Variants in IDH3A observed in about 807,000 individuals in gnomAD.
IDH3A encodes isocitrate dehydrogenase (NAD(+)) 3 catalytic subunit alpha.
A neutral mutation model predicts 43.3 loss-of-function variants in IDH3A; 23 were observed. The observed-to-expected ratio is 0.53, with a 90% CI of 0.38 to 0.75. The LOEUF (loss-of-function observed/expected upper bound fraction) is 0.75. IDH3A is among the 30% of genes least tolerant of loss of function. The pLI, the probability that IDH3A is intolerant of heterozygous loss-of-function variation, is 0.00. For synonymous variants in IDH3A, 154 were observed against 163.5 expected, an observed-to-expected ratio of 0.94 and a Z score of 0.44; for missense variants, 329 against 474.4, an observed-to-expected ratio of 0.69 and a Z score of 2.85.
chr15:78,170,898 A>G lies in IDH3A; in HGVS notation c.*1893A>G, dbSNP rs960933037. On this transcript the variant is annotated 3_prime_UTR_variant, in exon 11 of 11. Transcript: ENST00000299518. ...TCAAATTATACATTAAATAGAATCA[A>G]ACAGGCAGCAGCAGTTTTATTAAGC... 1.3e-5 allele frequency: 2 copies of G among 153,264 alleles called. No individual in the cohort carries two copies. Among genetic ancestry groups the G allele is most frequent in the African/African-American group, 4.8e-5 (2 of 41,462 alleles). The allele number at this position is 153,264 out of a possible 1,614,324, so 9.5% of individuals were successfully genotyped here. A position where few individuals can be genotyped will look rare whatever the true frequency, so the allele number is the denominator to read the frequency against.
At chr15:78,157,236 A>G in intron 2 of IDH3A, 1 of 972,520 alleles carries the variant, frequency 1.0e-6, no homozygotes, top group Middle Eastern at 4.3e-4. Flanking sequence ...GTCTCTTTGC[A>G]GCTTGTCTGA....
intron 1 of IDH3A, among the ~76,000 whole-genome samples, chr15:78,152,129 G>A (rs2074581608): frequency 7.1e-6 from 1 of 140,754 alleles, no homozygotes; most frequent in Non-Finnish European, 1.5e-5. Flanking sequence ...TGAGATCTTG[G>A]CTCACTGCAA....
intron 6 of IDH3A, among the ~76,000 whole-genome samples, chr15:78,162,718 G>GT (rs1268233279): frequency 6.6e-6 from 1 of 151,938 alleles, no homozygotes; most frequent in African/African-American, 2.4e-5. Context: ...GCTAATTTTT[G>GT]TATTTTCAGT....
In IDH3A at chr15:78,170,002, A is replaced by G. The variant is rs1208875651; in HGVS notation, c.*997A>G. The G allele has an allele frequency of 6.6e-6, 1 of 152,242 alleles. No homozygotes were observed. The highest frequency in any genetic ancestry group is 1.9e-4 in the East Asian group (1 of 5,206). The allele number at this position is 152,242 out of a possible 1,614,324, so 9.4% of individuals were successfully genotyped here. ...TATTTCAGCAACTGCCCCTTCTCCT[A>G]TCCCAAAGCACCAATTACTGCCCTC... On this transcript the variant is annotated 3_prime_UTR_variant, in exon 11 of 11. Coordinates refer to ENST00000299518, the MANE Select transcript of IDH3A (RefSeq NM_005530.3).
Position 78,149,369 on chromosome 15 carries a change from C to T in IDH3A, c.-35C>T. The T allele has an allele frequency of 6.6e-7, 1 of 1,524,772 alleles. No individual in the cohort carries two copies. 94.5% of individuals were successfully genotyped at this position (1,524,772 alleles called of 1,614,324 possible). A position where few individuals can be genotyped will look rare whatever the true frequency, so the allele number is the denominator to read the frequency against. On this transcript the variant is annotated 5_prime_UTR_variant, in exon 1 of 11. Transcript: ENST00000299518. ...TGGGGTGGGCGCTTGCGCACTGCCG[C>T]TGCGGCTGTTGCTGCGGAGCCAGGA...
In IDH3A at chr15:78,162,378, T is replaced by C. The variant is rs2074690651; in HGVS notation, c.611+11T>C. 1 of 1,612,672 alleles carries C rather than the reference T, an allele frequency of 6.2e-7. No individual in the cohort carries two copies. The highest frequency in any genetic ancestry group is 1.1e-5 in the South Asian group (1 of 91,036). On this transcript the variant is annotated intron_variant, in intron 6 of 10. Coordinates refer to ENST00000299518, the MANE Select transcript of IDH3A (RefSeq NM_005530.3). ...CAAAGCCAACATCATGTGAGCTCCT[T>C]GCGGGGGCCGGCACCCCATCTTGCT...
chr15:78,163,473 T>C (rs1474568252), intron 6 of IDH3A, 34 bp from the exon 7 acceptor site: 4 of 1,460,328 alleles, frequency 2.7e-6, no homozygotes, highest in Non-Finnish European at 3.8e-6. Flanking sequence ...CTGTAAGACT[T>C]TTTTTTCAGC....
chr15:78,168,567 T>C (rs1360649487), intron 10 of IDH3A: 1 of 163,640 alleles, frequency 6.1e-6, no homozygotes, highest in African/African-American at 2.4e-5. Flanking sequence ...CCCAAGGATT[T>C]TTATGAAACT....
intron 1 of IDH3A, among the ~76,000 whole-genome samples, chr15:78,151,733 C>T (rs577503218): frequency 1.3e-5 from 2 of 152,050 alleles, no homozygotes; most frequent in East Asian, 3.9e-4. Flanking sequence ...GCCTCAGTTT[C>T]CTCATCTGAA....
chr15:78,169,146 C>G lies in IDH3A; in HGVS notation c.*141C>G. On this transcript the variant is annotated 3_prime_UTR_variant, in exon 11 of 11. Coordinates refer to ENST00000299518, the MANE Select transcript of IDH3A (RefSeq NM_005530.3). ...AGATCTGGCCTTTTCTTAACAAAAT[C>G]TGTGCAAAAGATGCAGGTGGATGTC... 2.0e-6 allele frequency: 1 copy of G among 505,742 alleles called. No homozygotes were observed. The highest frequency in any genetic ancestry group is 3.5e-6 in the Non-Finnish European group (1 of 288,010). The allele number at this position is 505,742 out of a possible 1,614,324, so 31.3% of individuals were successfully genotyped here.
chr15:78,163,631 C>A (rs369179415), intron 7 of IDH3A, 22 bp downstream of exon 7: 3 of 1,562,362 alleles, frequency 1.9e-6, no homozygotes, highest in East Asian at 4.5e-5. Flanking sequence ...TTCACACTTA[C>A]CTGCTACTTT....
Position 78,169,127 on chromosome 15 carries a change from G to A in IDH3A, c.*122G>A. 1.8e-6 allele frequency: 1 copy of A among 554,924 alleles called. No individual in the cohort carries two copies. The highest frequency in any genetic ancestry group is 3.1e-6 in the Non-Finnish European group (1 of 322,648). 34.4% of individuals were successfully genotyped at this position (554,924 alleles called of 1,614,324 possible). ...TTCTTGACAGTACATTTTTAGATCTGGCCTTTTCTTAACAAAATCTGTGCA... is the reference window on the plus strand; with the variant it reads ...TTCTTGACAGTACATTTTTAGATCTAGCCTTTTCTTAACAAAATCTGTGCA... On this transcript the variant is annotated 3_prime_UTR_variant, in exon 11 of 11. Transcript: ENST00000299518.
At position 78,166,225 on chromosome 15, in the gene IDH3A, A is replaced by T. The variant is rs759004400; in HGVS notation, c.940A>T (p.Met314Leu). 1.9e-6 allele frequency: 3 copies of T among 1,614,046 alleles called. No homozygotes were observed. In the East Asian group the frequency reaches 6.7e-5, roughly 36 times the overall value. Residue 314 changes from methionine (M) to leucine (L), a missense_variant, in exon 10 of 11, where the codon ATG becomes TTG. Physicochemically the swap from Met to Leu is conservative, Grantham distance 15 (BLOSUM62 2). Coordinates refer to ENST00000299518, the MANE Select transcript of IDH3A (RefSeq NM_005530.3). ...PTALLLSAVM[M>L]LRHMGLFDHA... is the part of the protein sequence containing the mutation. ...AGCCCTCCTGCTCAGTGCCGTGATG[A>T]TGCTGCGCCACATGGGACTTTTTGA...
intron 1 of IDH3A, among the ~76,000 whole-genome samples, chr15:78,152,872 C>T (rs1317047804): frequency 6.6e-6 from 1 of 152,058 alleles, no homozygotes; most frequent in African/African-American, 2.4e-5. Context: ...CTTGGAAACT[C>T]TTCAGATAGA....
chr15:78,157,225 G>T, intron 2 of IDH3A: 1 of 1,009,914 alleles, frequency 9.9e-7, no homozygotes, highest in Non-Finnish European at 1.2e-6. Flanking sequence ...TGAATTAATT[G>T]GTCTCTTTGC....
rs375386246 is a variant in IDH3A, at chr15:78,171,419, T to A, written c.*2414T>A. 1.9e-6 allele frequency: 3 copies of A among 1,600,782 alleles called. No individual in the cohort carries two copies. The South Asian group carries it at 3.3e-5, about 18-fold the overall frequency. ...CTCGGAACGCCTGCCCTCTATTCTA[T>A]AGAAACTGCAGGCATAGGCCCTGAT... On this transcript the variant is annotated 3_prime_UTR_variant, in exon 11 of 11. Transcript: ENST00000299518.
chr15:78,163,271 C>G (rs962801353), intron 6 of IDH3A, among the ~76,000 whole-genome samples: 1 of 151,982 alleles, frequency 6.6e-6, no homozygotes, highest in African/African-American at 2.4e-5. Flanking sequence ...AAAATATAGT[C>G]TTCTCTGTTA....
At chr15:78,160,829 G>C (rs1368656379) in intron 4 of IDH3A, among the ~76,000 whole-genome samples, 1 of 151,332 alleles carries the variant, frequency 6.6e-6, no homozygotes, top group Admixed American at 6.6e-5. Context: ...ATTAATACAT[G>C]TTTAAGGCCA....
Position 78,169,051 on chromosome 15 carries a change from A to G in IDH3A, c.*46A>G. On this transcript the variant is annotated 3_prime_UTR_variant, in exon 11 of 11. Transcript: ENST00000299518. Reference sequence around the variant, plus strand: ...ACATCAGTCACTCTAAATGGACACCACATGAACCTCTGTTTAGAATACCTA... The same window carrying G: ...ACATCAGTCACTCTAAATGGACACCGCATGAACCTCTGTTTAGAATACCTA... 5.0e-6 allele frequency: 6 copies of G among 1,189,078 alleles called. 1 individual carries two copies. The highest frequency in any genetic ancestry group is 7.5e-6 in the Non-Finnish European group (6 of 802,992). The allele number at this position is 1,189,078 out of a possible 1,614,324, so 73.7% of individuals were successfully genotyped here.
Sources: allele counts gnomAD v4.1 joint callset (sites outside exome capture counted in the v4.1 genomes callset), GRCh38; gene constraint gnomAD v4.1.1; transcripts MANE v1.5; gene names NCBI Gene and HGNC (gene_info 2026-07-23, HGNC 2026-07-21).